TYR: variants seen among roughly 807,000 people sequenced by gnomAD.
TYR encodes the protein LB24-AB.
Under a neutral mutation model 51.5 loss-of-function variants are expected in TYR, and 58 were observed. The observed-to-expected ratio is 1.13, with a 90% CI of 0.91 to 1.40. The LOEUF is 1.40. Ranked by LOEUF, TYR falls within the 40% of genes most tolerant of loss-of-function variation. The probability of loss-of-function intolerance (pLI) is 0.00; values close to 1 mark genes in which losing one functional copy is unlikely to be tolerated. For synonymous variants in TYR, 263 were observed against 235.2 expected, an observed-to-expected ratio of 1.12 and a Z score of -1.08; for missense variants, 732 against 647.4, an observed-to-expected ratio of 1.13 and a Z score of -1.42.
chr11:89,185,549 C>A (rs533588282), intron 1 of TYR, among the ~76,000 whole-genome samples: 1 of 152,002 alleles, frequency 6.6e-6, no homozygotes, highest in Non-Finnish European at 1.5e-5. Context: ...ATGAAGGATG[C>A]GTTTTTATAA....
At chr11:89,214,929 T>C (rs2135272321) in intron 2 of TYR, among the ~76,000 whole-genome samples, 1 of 152,296 alleles carries the variant, frequency 6.6e-6, no homozygotes, top group South Asian at 2.1e-4. Context: ...TATTCTTCCC[T>C]AAGCCTTCTT....
At chr11:89,223,068 T>C (rs1943932908) in intron 2 of TYR, among the ~76,000 whole-genome samples, 1 of 152,166 alleles carries the variant, frequency 6.6e-6, no homozygotes, top group African/African-American at 2.4e-5. Context: ...GTACAGACAC[T>C]ACCCAACTGT....
At chr11:89,267,964 C>T (rs1216857736) in intron 3 of TYR, among the ~76,000 whole-genome samples, 1 of 151,856 alleles carries the variant, frequency 6.6e-6, no homozygotes, top group Non-Finnish European at 1.5e-5. Flanking sequence ...GTTTGTTTGC[C>T]TATTTTTATA....
intron 3 of TYR, among the ~76,000 whole-genome samples, chr11:89,261,862 C>T (rs1375330859): frequency 6.6e-6 from 1 of 150,872 alleles, no homozygotes. Context: ...TCTCCAACCA[C>T]AATGGAAAAA....
chr11:89,233,031 A>T (rs984410370), intron 3 of TYR, among the ~76,000 whole-genome samples: 1 of 143,526 alleles, frequency 7.0e-6, no homozygotes, highest in African/African-American at 2.8e-5. Context: ...TCTCTGTAGC[A>T]TACTATGCTG....
At chr11:89,271,053 G>A (rs1774726171) in intron 3 of TYR, among the ~76,000 whole-genome samples, 1 of 151,926 alleles carries the variant, frequency 6.6e-6, no homozygotes, top group Admixed American at 6.6e-5. Context: ...TCTTAAAGGG[G>A]CAAAAGATGT....
At chr11:89,223,174 G>A (rs780567615) in intron 2 of TYR, among the ~76,000 whole-genome samples, 1 of 152,134 alleles carries the variant, frequency 6.6e-6, no homozygotes, top group Non-Finnish European at 1.5e-5. Flanking sequence ...ACTTCTATAA[G>A]CTGTAGTTTT....
chr11:89,278,301 C>T (rs1327117817), intron 3 of TYR, among the ~76,000 whole-genome samples: 1 of 151,678 alleles, frequency 6.6e-6, no homozygotes, highest in Non-Finnish European at 1.5e-5. Context: ...CAGTCCATAA[C>T]TATAGGTTGA....
At chr11:89,262,348 T>A (rs2135307963) in intron 3 of TYR, among the ~76,000 whole-genome samples, 1 of 152,180 alleles carries the variant, frequency 6.6e-6, no homozygotes, top group African/African-American at 2.4e-5. Flanking sequence ...CATGAGCCAC[T>A]GTGCCTGGCC....
chr11:89,192,647 T>C (rs1024761972), intron 2 of TYR, among the ~76,000 whole-genome samples: 8 of 152,130 alleles, frequency 5.3e-5, no homozygotes, highest in African/African-American at 1.9e-4. Flanking sequence ...GCAAGGCAAG[T>C]CTCATCCTAA....
At chr11:89,260,166 T>C (rs1421326891) in intron 3 of TYR, among the ~76,000 whole-genome samples, 3 of 151,840 alleles carry the variant, frequency 2.0e-5, no homozygotes, top group Non-Finnish European at 4.4e-5. Flanking sequence ...TAGTTTCTCA[T>C]CTACTATCAG....
chr11:89,245,920 CAA>C (rs58642362), intron 3 of TYR, among the ~76,000 whole-genome samples: 1 of 143,168 alleles, frequency 7.0e-6, no homozygotes, highest in Non-Finnish European at 1.5e-5. Context: ...GACTCCATCT[CAA>C]AAAAAAAAAA....
At chr11:89,274,213 C>G (rs1460273194) in intron 3 of TYR, among the ~76,000 whole-genome samples, 1 of 151,770 alleles carries the variant, frequency 6.6e-6, no homozygotes, top group South Asian at 2.1e-4. Context: ...GTATGATTCT[C>G]TTTTTATATT....
chr11:89,237,294 AG>A (rs1944128776), intron 3 of TYR, among the ~76,000 whole-genome samples: 2 of 152,010 alleles, frequency 1.3e-5, no homozygotes, highest in Admixed American at 1.3e-4. Flanking sequence ...CATGTCATGG[AG>A]CGTTCCCCCC....
At chr11:89,185,831 T>C (rs760797278) in intron 1 of TYR, among the ~76,000 whole-genome samples, 1 of 152,156 alleles carries the variant, frequency 6.6e-6, no homozygotes, top group African/African-American at 2.4e-5. Flanking sequence ...TAAAAAAATA[T>C]ATTTATCTTA....
chr11:89,275,577 A>G (rs1944644601), intron 3 of TYR, among the ~76,000 whole-genome samples: 1 of 151,956 alleles, frequency 6.6e-6, no homozygotes, highest in Non-Finnish European at 1.5e-5. Context: ...GTTCAAAGGA[A>G]AACTTTAGCC....
At chr11:89,272,627 C>T (rs756744316) in intron 3 of TYR, among the ~76,000 whole-genome samples, 1 of 151,854 alleles carries the variant, frequency 6.6e-6, no homozygotes, top group Non-Finnish European at 1.5e-5. Context: ...GTTAGCCCAT[C>T]CTTTGAAGCT....
chr11:89,277,159 G>A (rs1392608608), intron 3 of TYR, among the ~76,000 whole-genome samples: 1 of 151,482 alleles, frequency 6.6e-6, no homozygotes, highest in Non-Finnish European at 1.5e-5. Context: ...AAGTTTAAAT[G>A]GAAATGTTTA....
chr11:89,286,321 A>G (rs774460618), intron 4 of TYR, among the ~76,000 whole-genome samples: 9 of 152,010 alleles, frequency 5.9e-5, no homozygotes, highest in Middle Eastern at 6.8e-3. Context: ...ATTCTATTTG[A>G]GTAGTATGAA....
Sources: gnomAD v4.1 joint callset for allele counts (sites outside exome capture counted in the v4.1 genomes callset) on GRCh38, gnomAD v4.1.1 for gene constraint, MANE v1.5 for transcripts, NCBI Gene and HGNC (gene_info 2026-07-23, HGNC 2026-07-21) for gene names.